Variants in SDSL observed in about 807,000 individuals in gnomAD.
SDSL encodes serine dehydratase like, also known as serine dehydratase-like.
In SDSL, 26 loss-of-function variants were observed where a neutral mutation model predicts 27.6. That is an observed-to-expected ratio of 0.94 (90% confidence interval 0.69 to 1.31). The LOEUF is 1.31. SDSL is among the 50% of genes most tolerant of loss of function. The pLI is 0.00. For synonymous variants in SDSL, 196 were observed against 180.6 expected (o/e 1.09, Z -0.69); for missense variants, 431 against 423.5 (o/e 1.02, Z -0.16).
In SDSL at chr12:113,435,339, G is replaced by A. The variant is rs1224500174; in HGVS notation, c.454G>A (p.Ala152Thr). The A allele has an allele frequency of 9.1e-6, 14 of 1,530,188 alleles. No homozygotes were observed. The East Asian group carries it at 1.2e-4, about 13-fold the overall frequency. 94.8% of individuals were successfully genotyped at this position (1,530,188 alleles called of 1,614,324 possible). Residue 152 changes from alanine (A) to threonine (T), a missense_variant, in exon 6 of 8, where the codon GCC (alanine) becomes ACC (threonine). Transcript: ENST00000403593. ...ACCCCCCCTCCCCAGGAAAGGCCACGCCAGCCTGGTGCAGGAGCTGAAAGC... is the reference window on the plus strand; with the variant it reads ...ACCCCCCCTCCCCAGGAAAGGCCACACCAGCCTGGTGCAGGAGCTGAAAGC... ...FDHPLIWKGH[A>T]SLVQELKAVL...
rs371591042 is a variant in SDSL at position 113,428,179 on chromosome 12, G to A, written c.174+23G>A. On this transcript the variant is annotated intron_variant, in intron 2 of 7. Transcript: ENST00000403593. ...GAGGTGAGGGTGTGTGGGAAGGAGG[G>A]GAGAAGTGAGGTTGTGCAGGAGGGA... 6 of 1,588,380 alleles carry A rather than the reference G, an allele frequency of 3.8e-6. No individual in the cohort carries two copies. The East Asian group carries it at 6.8e-5, about 18-fold the overall frequency.
At chr12:113,429,415 C>A in intron 4 of SDSL, 116 bp downstream of exon 4, 2 of 1,169,366 alleles carry the variant, frequency 1.7e-6, no homozygotes, top group Non-Finnish European at 2.4e-6. Context: ...GGGACCCAGT[C>A]CTCTCTCAGG....
Position 113,434,115 on chromosome 12 carries a change from G to A in SDSL, c.355-19G>A. 1 of 1,608,368 alleles carries A rather than the reference G, an allele frequency of 6.2e-7. No homozygotes were observed. Among genetic ancestry groups the A allele is most frequent in the Non-Finnish European group, 8.5e-7 (1 of 1,176,074 alleles). The stretch of plus-strand genomic sequence containing the variant: ...AGTCCCACTCCCGGCTGTTCTGAGG[G>A]CCCTTGGTTTCTCTGTAGGTCTGGG... On this transcript the variant is annotated intron_variant, in intron 4 of 7. Transcript: ENST00000403593.
At chr12:113,435,752 C>G (rs564901866) in intron 6 of SDSL, among the ~76,000 whole-genome samples, 196 bp downstream of exon 6, 8 of 152,316 alleles carry the variant, frequency 5.3e-5, no homozygotes, top group Admixed American at 4.6e-4. Flanking sequence ...TCATGTAAAC[C>G]TAATCAGTTC....
chr12:113,429,328 C>T, intron 4 of SDSL, 29 bp downstream of exon 4: 3 of 1,587,962 alleles, frequency 1.9e-6, no homozygotes, highest in Non-Finnish European at 2.6e-6. Flanking sequence ...GGAGAACCAT[C>T]TGGGTGGGCT....
chr12:113,429,240 TC>T lies in SDSL; in HGVS notation c.298del (p.Leu100CysfsTer16). The T allele has an allele frequency of 6.2e-7, 1 of 1,613,558 alleles. No individual in the cohort carries two copies. The highest frequency in any genetic ancestry group is 1.1e-5 in the South Asian group (1 of 91,046). On this transcript the variant is annotated frameshift_variant, in exon 4 of 8. Coordinates refer to ENST00000403593, the MANE Select transcript of SDSL (RefSeq NM_001304993.2). LOFTEE classifies it high-confidence loss of function. ...PATIVLPEST[S>X]LQVVQRLQGE... ...CACCATCGTGCTCCCCGAGAGCACC[TC>T]CCTGCAGGTGGTGCAGAGGCTGCAG...
chr12:113,437,033 G>T (rs1958005800), intron 7 of SDSL, 158 bp downstream of exon 7: 4 of 641,802 alleles, frequency 6.2e-6, no homozygotes, highest in Non-Finnish European at 9.5e-6. Flanking sequence ...ATGGAAGGGG[G>T]TGAGGATAAA....
At chr12:113,432,035 G>A (rs910630177) in intron 4 of SDSL, among the ~76,000 whole-genome samples, 14 of 151,550 alleles carry the variant, frequency 9.2e-5, no homozygotes, top group African/African-American at 3.4e-4. Context: ...GATTACAGGC[G>A]TAAACTGCTG....
At chr12:113,436,423 G>A (rs1957994323) in intron 6 of SDSL, among the ~76,000 whole-genome samples, 1 of 151,732 alleles carries the variant, frequency 6.6e-6, no homozygotes, top group Non-Finnish European at 1.5e-5. Flanking sequence ...CAAGTAGTTG[G>A]GATTACAGGC....
Position 113,422,393 on chromosome 12 carries a change from G to A in SDSL, c.-106G>A, listed in dbSNP as rs1205142726. On this transcript the variant is annotated 5_prime_UTR_variant, in exon 1 of 8. Transcript: ENST00000403593. ...CGGAAGCTGCCTGAAGCTGGACAGAGCCGGTTCCTGGAAAGAGCTGGTTCC... is the reference window on the plus strand; with the variant it reads ...CGGAAGCTGCCTGAAGCTGGACAGAACCGGTTCCTGGAAAGAGCTGGTTCC... The A allele has an allele frequency of 2.0e-5, 3 of 153,626 alleles. No homozygotes were observed. The highest frequency in any genetic ancestry group is 7.2e-5 in the African/African-American group (3 of 41,494). The allele number at this position is 153,626 out of a possible 1,614,324, so 9.5% of individuals were successfully genotyped here.
rs994883593 is a variant in SDSL, at chr12:113,437,041, A to C, written c.796+166A>C. ...CGAGTAGATGGAAGGGGGTGAGGAT[A>C]AAGAAGGAGTGTATCTTGCTGTCTC... is the stretch of plus-strand genomic sequence containing the variant. On this transcript the variant is annotated intron_variant, in intron 7 of 7. Transcript: ENST00000403593. 3.3e-5 allele frequency: 19 copies of C among 584,194 alleles called. No individual in the cohort carries two copies. In the African/African-American group the frequency reaches 3.3e-4, roughly 10 times the overall value. The allele number at this position is 584,194 out of a possible 1,614,324, so 36.2% of individuals were successfully genotyped here. A position where few individuals can be genotyped will look rare whatever the true frequency, so the allele number is the denominator to read the frequency against.
rs180761717 is a variant in SDSL at position 113,428,239 on chromosome 12, C to T, written c.174+83C>T. The stretch of plus-strand genomic sequence containing the variant: ...GAGGGGTGTGGGCTGGGGACGGGTT[C>T]GGGCAGGAGGGGAAACATGAACTCG... On this transcript the variant is annotated intron_variant, in intron 2 of 7. Coordinates refer to ENST00000403593, the MANE Select transcript of SDSL (RefSeq NM_001304993.2). 2,573 of 1,420,418 alleles carry T rather than the reference C, an allele frequency of 1.8e-3. 4 individuals are homozygous for T. The highest frequency in any genetic ancestry group is 3.9e-3 in the Admixed American group (193 of 50,058). 88.0% of individuals were successfully genotyped at this position (1,420,418 alleles called of 1,614,324 possible). A position where few individuals can be genotyped will look rare whatever the true frequency, so the allele number is the denominator to read the frequency against.
In SDSL at chr12:113,436,836, G is replaced by T. The variant is rs748351605; in HGVS notation, c.757G>T (p.Glu253Ter). ...QVCKIHSEVV[E>*]DTEAVSAVQQ... is the part of the protein sequence containing the mutation. ...GTGCAAGATTCACTCTGAAGTGGTGGAGGACACCGAGGCTGTGAGCGCTGT... is the reference window on the plus strand; with the variant it reads ...GTGCAAGATTCACTCTGAAGTGGTGTAGGACACCGAGGCTGTGAGCGCTGT... Residue 253 changes from glutamate (E) to a stop codon, truncating the protein, a stop_gained, in exon 7 of 8, where the codon GAG (glutamate) becomes TAG (stop). Transcript: ENST00000403593. LOFTEE classifies it low-confidence loss of function (END_TRUNC). The T allele has an allele frequency of 1.3e-5, 21 of 1,611,626 alleles. No individual in the cohort carries two copies. Among genetic ancestry groups the T allele is most frequent in the Non-Finnish European group, 1.8e-5 (21 of 1,179,520 alleles).
At chr12:113,425,358 C>A (rs987515709) in intron 1 of SDSL, among the ~76,000 whole-genome samples, 1 of 152,078 alleles carries the variant, frequency 6.6e-6, no homozygotes, top group African/African-American at 2.4e-5. Flanking sequence ...TGTGCCCTGC[C>A]CGAGGGGGCC....
chr12:113,436,803 A>T lies in SDSL; in HGVS notation c.724A>T (p.Met242Leu). ...GGTGGCCGCTCGGGCCCTGGAGTGC[A>T]TGCAGGTGTGCAAGATTCACTCTGA... Reference protein sequence around the residue: ...KTVAARALECMQVCKIHSEVV... With the variant: ...KTVAARALECLQVCKIHSEVV... The change falls in exon 7 of 8, where the codon ATG becomes TTG. Residue 242 changes from methionine (M) to leucine (L), a missense_variant. Transcript: ENST00000403593. 2 of 1,612,254 alleles carry T rather than the reference A, an allele frequency of 1.2e-6. No homozygotes were observed. Among genetic ancestry groups the T allele is most frequent in the Non-Finnish European group, 1.7e-6 (2 of 1,179,672 alleles).
At chr12:113,434,284 C>A in intron 5 of SDSL, 62 bp downstream of exon 5, 1 of 1,294,018 alleles carries the variant, frequency 7.7e-7, no homozygotes, top group Non-Finnish European at 1.1e-6. Context: ...GAGTCAGGGT[C>A]CTCCCATTGG....
intron 1 of SDSL, chr12:113,426,138 C>G (rs183659862): frequency 1.1e-4 from 50 of 455,890 alleles, no homozygotes; most frequent in South Asian, 3.4e-4. Context: ...CGCCCTCACC[C>G]CCTACCCTCA....
At position 113,436,951 on chromosome 12, in the gene SDSL, T is replaced by C. The variant is rs1480825007; in HGVS notation, c.796+76T>C. The C allele has an allele frequency of 3.6e-6, 5 of 1,398,558 alleles. No homozygotes were observed. The East Asian group carries it at 1.3e-4, about 37-fold the overall frequency. 86.6% of individuals were successfully genotyped at this position (1,398,558 alleles called of 1,614,324 possible). On this transcript the variant is annotated intron_variant, in intron 7 of 7. Transcript: ENST00000403593. ...CATCCTCTAGCAAGAGTGTGTTCTGTCTTATCTGTATCCTCAGCACCAGGC... is the reference window on the plus strand; with the variant it reads ...CATCCTCTAGCAAGAGTGTGTTCTGCCTTATCTGTATCCTCAGCACCAGGC...
intron 6 of SDSL, 117 bp from the exon 7 acceptor site, chr12:113,436,634 A>G: frequency 9.2e-7 from 1 of 1,088,662 alleles, no homozygotes; most frequent in Non-Finnish European, 1.2e-6. Context: ...TATAATGCTG[A>G]GCTCCAACCA....
Sources: allele counts gnomAD v4.1 joint callset (sites outside exome capture counted in the v4.1 genomes callset), GRCh38; gene constraint gnomAD v4.1.1; transcripts MANE v1.5; gene names NCBI Gene and HGNC (gene_info 2026-07-23, HGNC 2026-07-21).